The following CHSY3 variants were observed in gnomAD, a reference collection of about 807,000 sequenced individuals.
CHSY3 encodes the protein chondroitin sulfate synthase 3, also known as N-acetylgalactosaminyl-proteoglycan 3-beta-glucuronosyltransferase 3.
In CHSY3, 35 loss-of-function variants were observed where a neutral mutation model predicts 67.2. The ratio of observed to expected loss-of-function variants is 0.52; its 90% CI spans 0.40 to 0.69. The LOEUF is 0.69. CHSY3 is among the 30% of genes least tolerant of loss of function. CHSY3 has a pLI of 0.00. For synonymous variants in CHSY3, 474 were observed against 434.7 expected (o/e 1.09, Z -1.12); for missense variants, 1,069 against 1,138.5 (o/e 0.94, Z 0.88).
At chr5:130,092,591 C>T (rs753887629) in intron 2 of CHSY3, among the ~76,000 whole-genome samples, 3 of 152,206 alleles carry the variant, frequency 2.0e-5, no homozygotes, top group Non-Finnish European at 4.4e-5. Context: ...CCATCTTTCA[C>T]TTTAAATATT....
Position 129,950,594 on chromosome 5 carries a change from A to C in CHSY3, c.1086+42234A>C, listed in dbSNP as rs558741950. Reference sequence around the variant, plus strand: ...TAAAGTTTCAGGACACAAAATGAATATACAAAAATCAGTTGTTTTCCTGTA... The same window carrying C: ...TAAAGTTTCAGGACACAAAATGAATCTACAAAAATCAGTTGTTTTCCTGTA... On this transcript the variant is annotated intron_variant, in intron 2 of 2. Transcript: ENST00000305031. 2.6e-5 allele frequency among the ~76,000 whole-genome samples: 4 copies of C among 152,340 alleles called. No individual in the cohort carries two copies. The South Asian group carries it at 8.3e-4, about 32-fold the overall frequency.
intron 2 of CHSY3, among the ~76,000 whole-genome samples, chr5:129,946,795 A>G (rs772832282): frequency 6.6e-6 from 1 of 152,178 alleles, no homozygotes; most frequent in African/African-American, 2.4e-5. Context: ...ATTTCATTGT[A>G]TATACTTGAC....
Position 130,157,373 on chromosome 5 carries a change from A to C in CHSY3, c.1087-26856A>C, listed in dbSNP as rs1245914468. ...AATTCAGTAGAAACATATTTAAAGG[A>C]GAGAGACTAGGGTGCTAATAGGAAC... On this transcript the variant is annotated intron_variant, in intron 2 of 2. Transcript: ENST00000305031. Among the ~76,000 whole-genome samples, 3 of 152,230 alleles carry C rather than the reference A, an allele frequency of 2.0e-5. No homozygotes were observed. In the East Asian group the frequency reaches 5.8e-4, roughly 29 times the overall value.
At chr5:130,087,796 G>A (rs1260137961) in intron 2 of CHSY3, among the ~76,000 whole-genome samples, 1 of 151,344 alleles carries the variant, frequency 6.6e-6, no homozygotes, top group Non-Finnish European at 1.5e-5. Flanking sequence ...TACCGCCCAA[G>A]GTAATTTATA....
intron 2 of CHSY3, among the ~76,000 whole-genome samples, chr5:130,143,768 GTATATATATATATGTGTATA>G (rs1768963451): frequency 7.7e-5 from 5 of 64,968 alleles, no homozygotes; most frequent in African/African-American, 3.0e-4. Context: ...GTGTGTGTGT[GTATATATATATATGTGTATA>G]TATATATATA....
chr5:130,101,339 C>T (rs1767237445), intron 2 of CHSY3, among the ~76,000 whole-genome samples: 1 of 152,084 alleles, frequency 6.6e-6, no homozygotes, highest in African/African-American at 2.4e-5. Context: ...TCAAAATCAC[C>T]ATTGATTCAG....
intron 2 of CHSY3, among the ~76,000 whole-genome samples, chr5:130,164,714 G>GA (rs1256568226): frequency 6.6e-6 from 1 of 151,868 alleles, no homozygotes; most frequent in Non-Finnish European, 1.5e-5. Flanking sequence ...ATAGAATGGT[G>GA]AAAAAAAGAC....
At chr5:130,089,159 G>A (rs1227467450) in intron 2 of CHSY3, among the ~76,000 whole-genome samples, 1 of 147,160 alleles carries the variant, frequency 6.8e-6, no homozygotes, top group Non-Finnish European at 1.5e-5. Context: ...ACTCATAGGT[G>A]GGAATTGAAG....
At chr5:129,925,473 T>C (rs1026438322) in intron 2 of CHSY3, among the ~76,000 whole-genome samples, 1 of 152,194 alleles carries the variant, frequency 6.6e-6, no homozygotes, top group Non-Finnish European at 1.5e-5. Context: ...TGCAAATTTC[T>C]GTGGTGTACA....
At position 130,153,351 on chromosome 5, in the gene CHSY3, T is replaced by G. The variant is rs183405365; in HGVS notation, c.1087-30878T>G. Among the ~76,000 whole-genome samples, 55 of 152,150 alleles carry G rather than the reference T, an allele frequency of 3.6e-4. 1 individual carries two copies. The highest frequency in any genetic ancestry group is 1.6e-3 in the Admixed American group (24 of 15,268). On this transcript the variant is annotated intron_variant, in intron 2 of 2. Transcript: ENST00000305031. ...ACCAACTGCTTAAAACTACATAAAT[T>G]TGTTGCCTTTGTATACCCTTCTCCT...
At chr5:130,113,736 C>T (rs1159379878) in intron 2 of CHSY3, among the ~76,000 whole-genome samples, 1 of 152,098 alleles carries the variant, frequency 6.6e-6, no homozygotes, top group East Asian at 1.9e-4. Context: ...AGTTGTTTCA[C>T]CAGCCACATT....
chr5:130,041,911 T>C (rs1409164284), intron 2 of CHSY3, among the ~76,000 whole-genome samples: 2 of 152,112 alleles, frequency 1.3e-5, no homozygotes, highest in Non-Finnish European at 2.9e-5. Flanking sequence ...GTTGAAGTAA[T>C]AAAAGCTTTC....
At chr5:130,051,034 G>T (rs529641247) in intron 2 of CHSY3, among the ~76,000 whole-genome samples, 2 of 152,176 alleles carry the variant, frequency 1.3e-5, no homozygotes, top group African/African-American at 4.8e-5. Context: ...AAAGTTAAAA[G>T]CTATAAAGTA....
chr5:129,957,374 G>T (rs369285584), intron 2 of CHSY3, among the ~76,000 whole-genome samples: 2 of 124,642 alleles, frequency 1.6e-5, no homozygotes, highest in African/African-American at 6.1e-5. Flanking sequence ...AGCCGAGACT[G>T]GGGTTTTCTA....
At position 130,184,661 on chromosome 5, in the gene CHSY3, A is replaced by C; in HGVS notation, c.1519A>C (p.Asn507His). ...DTVLQVMEMI[N>H]ENAKSRGRLI... ...CGTCCTACAGGTGATGGAGATGATC[A>C]ATGAGAATGCCAAGAGCAGAGGACG... The change falls in exon 3 of 3, where the codon AAT becomes CAT. Residue 507 changes from asparagine (N) to histidine (H), a missense_variant. Coordinates refer to ENST00000305031, the MANE Select transcript of CHSY3 (RefSeq NM_175856.5). The C allele has an allele frequency of 6.2e-7, 1 of 1,605,926 alleles. No individual in the cohort carries two copies. The highest frequency in any genetic ancestry group is 1.1e-5 in the South Asian group (1 of 90,920).
At chr5:130,118,470 A>G (rs1767894236) in intron 2 of CHSY3, among the ~76,000 whole-genome samples, 1 of 150,836 alleles carries the variant, frequency 6.6e-6, no homozygotes, top group Non-Finnish European at 1.5e-5. Flanking sequence ...ATATACACAT[A>G]CATATATATA....
chr5:129,915,070 C>A (rs887068138), intron 2 of CHSY3, among the ~76,000 whole-genome samples: 4 of 152,054 alleles, frequency 2.6e-5, no homozygotes, highest in African/African-American at 9.7e-5. Flanking sequence ...AGTCTCTTTT[C>A]TATTTAGTGA....
rs139056022 is a variant in CHSY3, at chr5:130,170,470, T to C, written c.1087-13759T>C. ...ATACAGGCACAGGTATCTTTGTATA[T>C]AATTATTTATTTTCCTTTGGATAGA... On this transcript the variant is annotated intron_variant, in intron 2 of 2. Coordinates refer to ENST00000305031, the MANE Select transcript of CHSY3 (RefSeq NM_175856.5). Among the ~76,000 whole-genome samples, 506 of 152,216 alleles carry C rather than the reference T, an allele frequency of 3.3e-3. 1 individual carries two copies. Among genetic ancestry groups the C allele is most frequent in the Non-Finnish European group, 5.2e-3 (351 of 67,958 alleles).
intron 2 of CHSY3, among the ~76,000 whole-genome samples, chr5:129,924,063 G>C (rs1427177397): frequency 6.6e-6 from 1 of 152,056 alleles, no homozygotes; most frequent in African/African-American, 2.4e-5. Context: ...TTAGTAATTT[G>C]TTTGAAAATT....
Sources: gnomAD v4.1 joint callset for allele counts (sites outside exome capture counted in the v4.1 genomes callset) on GRCh38, gnomAD v4.1.1 for gene constraint, MANE v1.5 for transcripts, NCBI Gene and HGNC (gene_info 2026-07-23, HGNC 2026-07-21) for gene names.